ALDH6A1: variants seen among roughly 807,000 people sequenced by gnomAD.
The protein encoded by ALDH6A1 is methylmalonate-semialdehyde/malonate-semialdehyde dehydrogenase [acylating], mitochondrial.
A neutral mutation model predicts 62.6 loss-of-function variants in ALDH6A1; 43 were observed. The observed-to-expected ratio is 0.69, with a 90% CI of 0.54 to 0.89. The LOEUF is 0.89. ALDH6A1 is among the 40% of genes least tolerant of loss of function. The pLI is 0.00. For synonymous variants in ALDH6A1, 194 were observed against 234.2 expected (o/e 0.83, Z 1.57); for missense variants, 551 against 661.3 (o/e 0.83, Z 1.83).
At chr14:74,078,832 T>C (rs767376051) in intron 1 of ALDH6A1, among the ~76,000 whole-genome samples, 5 of 150,892 alleles carry the variant, frequency 3.3e-5, no homozygotes, top group Non-Finnish European at 5.9e-5. Context: ...CCTGGCCACA[T>C]TTTTGTATTT....
Position 74,060,589 on chromosome 14 carries a change from C to T in ALDH6A1, c.*53G>A. 2 of 1,297,026 alleles carry T rather than the reference C, an allele frequency of 1.5e-6. No individual in the cohort carries two copies. Among genetic ancestry groups the T allele is most frequent in the Non-Finnish European group, 2.2e-6 (2 of 891,054 alleles). The allele number at this position is 1,297,026 out of a possible 1,614,324, so 80.3% of individuals were successfully genotyped here. ...AGCAAAGCTGACAAATGAAGCTGGTCAAAAATAAAGGGAGATTACTCAGGA... is the reference window on the plus strand; with the variant it reads ...AGCAAAGCTGACAAATGAAGCTGGTTAAAAATAAAGGGAGATTACTCAGGA... On this transcript the variant is annotated 3_prime_UTR_variant, in exon 12 of 12. Coordinates refer to ENST00000553458, the MANE Select transcript of ALDH6A1 (RefSeq NM_005589.4).
At position 74,058,595 on chromosome 14, in the gene ALDH6A1, T is replaced by C. The variant is rs2060271381; in HGVS notation, c.*2047A>G. 1 of 137,076 alleles carries C rather than the reference T, an allele frequency of 7.3e-6. No individual in the cohort carries two copies. Among genetic ancestry groups the C allele is most frequent in the Admixed American group, 7.1e-5 (1 of 14,166 alleles). The allele number at this position is 137,076 out of a possible 1,614,324, so 8.5% of individuals were successfully genotyped here. A position where few individuals can be genotyped will look rare whatever the true frequency, so the allele number is the denominator to read the frequency against. The stretch of plus-strand genomic sequence containing the variant: ...CACAGGGTACACAACATTTTCAAGG[T>C]CTTTTTTTTTTTTATCATACTTAAT... On this transcript the variant is annotated 3_prime_UTR_variant, in exon 12 of 12. Coordinates refer to ENST00000553458, the MANE Select transcript of ALDH6A1 (RefSeq NM_005589.4).
chr14:74,072,937 T>G (rs1190173102), intron 2 of ALDH6A1, among the ~76,000 whole-genome samples: 1 of 151,844 alleles, frequency 6.6e-6, no homozygotes, highest in Non-Finnish European at 1.5e-5. Flanking sequence ...GTAGCTGAGA[T>G]TACAGACACC....
rs186267246 is a variant in ALDH6A1 at position 74,078,248 on chromosome 14, A to G, written c.49-3231T>C. The G allele has an allele frequency of 3.8e-4, 173 of 456,032 alleles. 1 individual carries two copies. Among genetic ancestry groups the G allele is most frequent in the Non-Finnish European group, 5.5e-4 (124 of 226,780 alleles). The allele number at this position is 456,032 out of a possible 1,614,324, so 28.2% of individuals were successfully genotyped here. A position where few individuals can be genotyped will look rare whatever the true frequency, so the allele number is the denominator to read the frequency against. ...TTCTCAACTTCCTACTAGCAAACCT[A>G]CAAAACTGAACTCAACCTAATGGAG... On this transcript the variant is annotated intron_variant, in intron 1 of 11. Transcript: ENST00000553458.
intron 9 of ALDH6A1, chr14:74,065,662 A>C: frequency 3.0e-6 from 1 of 331,128 alleles, no homozygotes; most frequent in Non-Finnish European, 5.6e-6. Flanking sequence ...CTGAACGACT[A>C]GTTTCATCCA....
intron 1 of ALDH6A1, 62 bp downstream of exon 1, chr14:74,084,285 G>A: frequency 1.9e-6 from 3 of 1,610,920 alleles, no homozygotes; most frequent in Non-Finnish European, 2.5e-6. Context: ...GGATGGCTCA[G>A]GGAGCGGACG....
rs147004133 is a variant in ALDH6A1 at position 74,064,870 on chromosome 14, G to A, written c.1455C>T (p.Thr485=). 1,347 of 1,614,010 alleles carry A rather than the reference G, an allele frequency of 8.3e-4. 12 individuals carry two copies. In the African/African-American group the frequency reaches 0.016, roughly 19 times the overall value. The change falls in exon 11 of 12, where the codon ACC becomes ACT. Residue 485 remains threonine (T), a synonymous_variant. Coordinates refer to ENST00000553458, the MANE Select transcript of ALDH6A1 (RefSeq NM_005589.4). Reference sequence around the variant, plus strand: ...CTCCCCTGAAGGAGGATCGAGAGCCGGTGAATGAGAACATTGGCAAAGGCA... The same window carrying A: ...CTCCCCTGAAGGAGGATCGAGAGCCAGTGAATGAGAACATTGGCAAAGGCA... The part of the protein sequence containing the change: ...IPVPLPMFSF[T]GSRSSFRGDT...
Position 74,072,531 on chromosome 14 carries a change from G to C in ALDH6A1, c.186+6C>G. 1 of 1,614,024 alleles carries C rather than the reference G, an allele frequency of 6.2e-7. No homozygotes were observed. The highest frequency in any genetic ancestry group is 8.5e-7 in the Non-Finnish European group (1 of 1,180,022). ...TAAGTTGAAGTCCCAAAGCAGCTTC[G>C]CTTACTGGGTTGTGGATATCGATCC... On this transcript the variant is annotated splice_donor_region_variant and intron_variant, in intron 3 of 11. Transcript: ENST00000553458.
intron 6 of ALDH6A1, among the ~76,000 whole-genome samples, chr14:74,070,444 G>A (rs545124075): frequency 3.3e-5 from 5 of 152,028 alleles, no homozygotes; most frequent in Non-Finnish European, 7.4e-5. Context: ...GCTTGAACCT[G>A]GGAGGCAGCG....
chr14:74,083,098 AC>A (rs1223426881), intron 1 of ALDH6A1, among the ~76,000 whole-genome samples: 2 of 152,200 alleles, frequency 1.3e-5, no homozygotes, highest in Non-Finnish European at 2.9e-5. Context: ...CATCTGCCAA[AC>A]CCTTCAAACT....
At position 74,071,478 on chromosome 14, in the gene ALDH6A1, A is replaced by G. The variant is rs1178435114; in HGVS notation, c.447T>C (p.Cys149=). The change falls in exon 6 of 12, where the codon TGT becomes TGC. Residue 149 remains cysteine (C), a synonymous_variant. Coordinates refer to ENST00000553458, the MANE Select transcript of ALDH6A1 (RefSeq NM_005589.4). ...CTCCCATCATGAGGGATGTCACACT[A>G]CAGGCATGCTCAACCACCTCTGGAA... The part of the protein sequence containing the change: ...FRGLQVVEHA[C]SVTSLMMGET... 2 of 1,613,922 alleles carry G rather than the reference A, an allele frequency of 1.2e-6. No homozygotes were observed. The highest frequency in any genetic ancestry group is 1.3e-5 in the African/African-American group (1 of 74,898).
chr14:74,067,255 A>G, intron 8 of ALDH6A1, 125 bp downstream of exon 8: 1 of 1,117,226 alleles, frequency 9.0e-7, no homozygotes, highest in Non-Finnish European at 1.3e-6. Flanking sequence ...TGACAAGTAC[A>G]GTATAAAGAG....
At position 74,065,009 on chromosome 14, in the gene ALDH6A1, C is replaced by T; in HGVS notation, c.1405-89G>A. ...AGGCATCAGAGACCAGTTTTAAATA[C>T]CCACCTTCTACCCTATCCTCTACCC... On this transcript the variant is annotated intron_variant, in intron 10 of 11. Transcript: ENST00000553458. 4 of 1,387,076 alleles carry T rather than the reference C, an allele frequency of 2.9e-6. No individual in the cohort carries two copies. The South Asian group carries it at 3.6e-5, about 13-fold the overall frequency. 85.9% of individuals were successfully genotyped at this position (1,387,076 alleles called of 1,614,324 possible).
chr14:74,074,389 C>T (rs765175800), intron 2 of ALDH6A1, among the ~76,000 whole-genome samples: 2 of 151,518 alleles, frequency 1.3e-5, no homozygotes, highest in South Asian at 2.1e-4. Context: ...CGAATTCAAG[C>T]GATTCTCCTG....
At chr14:74,082,393 GTTTTTTTTTTTT>G (rs869211328) in intron 1 of ALDH6A1, among the ~76,000 whole-genome samples, 3 of 77,568 alleles carry the variant, frequency 3.9e-5, no homozygotes, top group African/African-American at 1.0e-4. Context: ...CAAAATCGAG[GTTTTTTTTTTTT>G]TTTTTTTTTT....
chr14:74,057,145 G>C lies in ALDH6A1; in HGVS notation c.*3497C>G, dbSNP rs760780073. 30 of 1,610,680 alleles carry C rather than the reference G, an allele frequency of 1.9e-5. No individual in the cohort carries two copies. The highest frequency in any genetic ancestry group is 2.5e-5 in the Non-Finnish European group (29 of 1,177,646). On this transcript the variant is annotated 3_prime_UTR_variant, in exon 12 of 12. Transcript: ENST00000553458. ...TCTGTTATTTTGTCATTATTGCAGGGATGAAAGTAAGCTTCAAGATAAAAT... is the reference window on the plus strand; with the variant it reads ...TCTGTTATTTTGTCATTATTGCAGGCATGAAAGTAAGCTTCAAGATAAAAT...
chr14:74,062,336 T>A (rs2060364924), intron 11 of ALDH6A1, among the ~76,000 whole-genome samples: 1 of 151,994 alleles, frequency 6.6e-6, no homozygotes, highest in Admixed American at 6.6e-5. Flanking sequence ...GTGCGGTGAC[T>A]CACTCCTGTA....
chr14:74,082,951 G>C (rs970162251), intron 1 of ALDH6A1: 1 of 152,020 alleles, frequency 6.6e-6, no homozygotes, highest in Non-Finnish European at 1.5e-5. Context: ...GGAGGCAAAG[G>C]AAAAAAGCCA....
At position 74,057,569 on chromosome 14, in the gene ALDH6A1, C is replaced by A. The variant is rs2060244805; in HGVS notation, c.*3073G>T. 2.5e-5 allele frequency: 33 copies of A among 1,329,022 alleles called. 2 individuals are homozygous for A. In the South Asian group the frequency reaches 4.2e-4, roughly 17 times the overall value. 82.3% of individuals were successfully genotyped at this position (1,329,022 alleles called of 1,614,324 possible). On this transcript the variant is annotated 3_prime_UTR_variant, in exon 12 of 12. Coordinates refer to ENST00000553458, the MANE Select transcript of ALDH6A1 (RefSeq NM_005589.4). The stretch of plus-strand genomic sequence containing the variant: ...GAGTAAACATAGTGACCTTGTGACT[C>A]TTAGCTTTCCATCACAGGTGGGAAG...
Sources: gnomAD v4.1 joint callset for allele counts (sites outside exome capture counted in the v4.1 genomes callset) on GRCh38, gnomAD v4.1.1 for gene constraint, MANE v1.5 for transcripts, NCBI Gene and HGNC (gene_info 2026-07-23, HGNC 2026-07-21) for gene names.